Variants in ZNF438 observed in about 807,000 individuals in gnomAD.
ZNF438 encodes the protein zinc finger protein 438.
A neutral mutation model predicts 38.0 loss-of-function variants in ZNF438; 25 were observed. The observed-to-expected ratio is 0.66, with a 90% CI of 0.48 to 0.92. ZNF438 has a LOEUF of 0.92. ZNF438 is among the 40% of genes least tolerant of loss of function. The probability of loss-of-function intolerance (pLI) is 0.00; values close to 1 mark genes in which losing one functional copy is unlikely to be tolerated. For missense variants in ZNF438, 1,007 were observed against 999.6 expected (o/e 1.01, Z -0.10); for synonymous variants, 372 against 364.1 (o/e 1.02, Z -0.25).
exon 6 of ZNF438, chr10:30,845,103 G>A: frequency 1.9e-6 from 3 of 1,614,192 alleles, no homozygotes; most frequent in Non-Finnish European, 2.5e-6. Flanking sequence ...CAGCATCTCT[G>A]CACAAAGCAG....
chr10:30,918,200 T>A (rs1454196050), intron 2 of ZNF438, among the ~76,000 whole-genome samples: 2 of 152,170 alleles, frequency 1.3e-5, no homozygotes, highest in African/African-American at 4.8e-5. Flanking sequence ...AGCTTTATAG[T>A]TATGGTACAA....
chr10:30,880,930 C>A (rs2039156493), intron 3 of ZNF438, among the ~76,000 whole-genome samples: 1 of 152,002 alleles, frequency 6.6e-6, no homozygotes, highest in South Asian at 2.1e-4. Flanking sequence ...AATCCAACAT[C>A]CATTACTGAT....
intron 2 of ZNF438, among the ~76,000 whole-genome samples, chr10:30,914,690 T>G (rs1164990000): frequency 6.6e-6 from 1 of 152,074 alleles, no homozygotes; most frequent in Non-Finnish European, 1.5e-5. Context: ...TATACTCGAC[T>G]ACAGAATTCC....
intron 1 of ZNF438, among the ~76,000 whole-genome samples, chr10:30,950,150 T>G (rs2047989537): frequency 2.7e-5 from 4 of 149,698 alleles, no homozygotes; most frequent in African/African-American, 9.8e-5. Context: ...GAATGACTAC[T>G]GGGTACATAA....
At chr10:30,878,922 TC>T (rs2038847245) in intron 3 of ZNF438, among the ~76,000 whole-genome samples, 2 of 152,032 alleles carry the variant, frequency 1.3e-5, no homozygotes, top group African/African-American at 4.8e-5. Context: ...AAATCCTGCA[TC>T]ATCAGGTCAA....
intron 1 of ZNF438, among the ~76,000 whole-genome samples, chr10:30,976,395 ATAAAC>A (rs1352309371): frequency 9.9e-5 from 15 of 152,196 alleles, no homozygotes; most frequent in Admixed American, 8.5e-4. Flanking sequence ...ATGGAGAAAT[ATAAAC>A]TAAGGTAGCA....
At chr10:30,850,604 T>C (rs1414149982) in intron 4 of ZNF438, among the ~76,000 whole-genome samples, 1 of 152,186 alleles carries the variant, frequency 6.6e-6, no homozygotes, top group African/African-American at 2.4e-5. Context: ...TATTTACCAT[T>C]TTCCATAATA....
Position 30,849,894 on chromosome 10 carries a change from A to G in ZNF438, c.511T>C (p.Tyr171His), listed in dbSNP as rs139724588. The change falls in exon 5 of 6, where the codon TAC becomes CAC. Residue 171 changes from tyrosine (Y) to histidine (H), a missense_variant. Tyr to His is a moderately conservative substitution (Grantham distance 83). Coordinates refer to ENST00000413025, the Ensembl canonical transcript of ZNF438. ...ACTTCCTCAAATGGACTGGGTTTGT[A>G]CAGGAGTTCAGGGTGGTGAGGTGGG... 20 of 1,614,072 alleles carry G rather than the reference A, an allele frequency of 1.2e-5. No individual in the cohort carries two copies. The Admixed American group carries it at 1.7e-4, about 13-fold the overall frequency.
At chr10:30,969,587 G>A (rs944184045) in intron 1 of ZNF438, among the ~76,000 whole-genome samples, 1 of 152,124 alleles carries the variant, frequency 6.6e-6, no homozygotes, top group African/African-American at 2.4e-5. Context: ...ACTTTTGATT[G>A]GGTTTCCAGC....
At chr10:31,029,390 C>T (rs781747000) in intron 1 of ZNF438, among the ~76,000 whole-genome samples, 33 of 152,144 alleles carry the variant, frequency 2.2e-4, no homozygotes, top group Non-Finnish European at 4.4e-4. Context: ...TTGTGCAAAA[C>T]TAAATTTGTA....
chr10:30,949,148 C>A (rs2047832257), intron 1 of ZNF438, among the ~76,000 whole-genome samples: 1 of 152,060 alleles, frequency 6.6e-6, no homozygotes, highest in South Asian at 2.1e-4. Flanking sequence ...TCCAGCCAAA[C>A]TAAGCTTCAT....
intron 5 of ZNF438, among the ~76,000 whole-genome samples, chr10:30,845,930 T>C (rs1269706224): frequency 6.6e-6 from 1 of 152,164 alleles, no homozygotes; most frequent in African/African-American, 2.4e-5. Context: ...CTCGGTTCTG[T>C]TGAAGGTAAC....
intron 2 of ZNF438, among the ~76,000 whole-genome samples, chr10:30,934,670 G>A (rs1276741253): frequency 3.9e-5 from 6 of 152,188 alleles, no homozygotes; most frequent in Non-Finnish European, 4.4e-5. Flanking sequence ...CTTCAAAAAT[G>A]TAAGAAAAAT....
chr10:30,931,167 T>C (rs763959925), intron 2 of ZNF438, among the ~76,000 whole-genome samples: 5 of 152,234 alleles, frequency 3.3e-5, no homozygotes, highest in Non-Finnish European at 7.3e-5. Flanking sequence ...ACAGGTTCTC[T>C]TTCTGTTGAG....
rs1371131140 is a variant in ZNF438, at chr10:30,866,559, G to C, written c.37+10439C>G. On this transcript the variant is annotated intron_variant, in intron 4 of 5. Transcript: ENST00000413025. Reference sequence around the variant, plus strand: ...GGTAAAACTGGTGCTTATGGGTCAGGCGCGGTGGCTCACGCCTGTAATCCC... The same window carrying C: ...GGTAAAACTGGTGCTTATGGGTCAGCCGCGGTGGCTCACGCCTGTAATCCC... Among the ~76,000 whole-genome samples the C allele has an allele frequency of 2.0e-5, 3 of 152,146 alleles. No individual in the cohort carries two copies. The East Asian group carries it at 5.8e-4, about 30-fold the overall frequency.
intron 3 of ZNF438, among the ~76,000 whole-genome samples, chr10:30,890,564 G>C (rs999184206): frequency 6.6e-6 from 1 of 152,134 alleles, no homozygotes; most frequent in Non-Finnish European, 1.5e-5. Flanking sequence ...CCTTAGGTCA[G>C]GTCCTCACTG....
At chr10:30,952,900 G>A (rs1386979041) in intron 1 of ZNF438, among the ~76,000 whole-genome samples, 13 of 28,200 alleles carry the variant, frequency 4.6e-4, no homozygotes, top group Non-Finnish European at 8.5e-4. Context: ...TCCCATTACT[G>A]GGTATATACC....
intron 1 of ZNF438, among the ~76,000 whole-genome samples, chr10:30,979,089 T>C (rs2051788200): frequency 6.6e-6 from 1 of 152,222 alleles, no homozygotes; most frequent in Admixed American, 6.5e-5. Context: ...TATGGTTTGC[T>C]GAATAGTTTA....
chr10:30,865,021 C>T (rs2036195139), intron 4 of ZNF438, among the ~76,000 whole-genome samples: 1 of 152,234 alleles, frequency 6.6e-6, no homozygotes, highest in South Asian at 2.1e-4. Flanking sequence ...CCAGGACTGT[C>T]TGGCACCAAA....
Sources: gnomAD v4.1 joint callset for allele counts (sites outside exome capture counted in the v4.1 genomes callset) on GRCh38, gnomAD v4.1.1 for gene constraint, MANE v1.5 for transcripts, NCBI Gene and HGNC (gene_info 2026-07-23, HGNC 2026-07-21) for gene names.